Variants in PCDHGB1 observed in about 807,000 individuals in gnomAD.
PCDHGB1 encodes protocadherin gamma subfamily B, 1, also known as protocadherin gamma-B1.
A neutral mutation model predicts 56.6 loss-of-function variants in PCDHGB1; 34 were observed. The observed-to-expected ratio is 0.60, with a 90% confidence interval of 0.46 to 0.80. PCDHGB1 has a LOEUF of 0.80. PCDHGB1 is among the 30% of genes least tolerant of loss of function. The pLI is 0.00. For missense variants in PCDHGB1, 1,278 were observed against 1,204.6 expected, an observed-to-expected ratio of 1.06 and a Z score of -0.90; for synonymous variants, 561 against 505.9, an observed-to-expected ratio of 1.11 and a Z score of -1.46.
At position 141,370,693 on chromosome 5, in the gene PCDHGB1, C is replaced by G. The variant is rs762773164; in HGVS notation, c.2409+18024C>G. On this transcript the variant is annotated intron_variant, in intron 1 of 3. Coordinates refer to ENST00000523390, the MANE Select transcript of PCDHGB1 (RefSeq NM_018922.3). ...CGAGAGGAGATTTGTGGCAAGAAGT[C>G]GACGTGTGTTCTGGAATTTGAAATG... 28 of 1,613,754 alleles carry G rather than the reference C, an allele frequency of 1.7e-5. No individual in the cohort carries two copies. In the East Asian group the frequency reaches 3.8e-4, roughly 22 times the overall value.
chr5:141,454,101 A>T (rs2098781558), intron 1 of PCDHGB1, among the ~76,000 whole-genome samples: 1 of 152,256 alleles, frequency 6.6e-6, no homozygotes. Flanking sequence ...ATTGAACATA[A>T]ATGGAGTTAT....
chr5:141,370,241 T>C (rs1442707721), intron 1 of PCDHGB1: 3 of 626,086 alleles, frequency 4.8e-6, no homozygotes, highest in Non-Finnish European at 7.8e-6. Flanking sequence ...GGAAGAAAAG[T>C]GCACTCTCTA....
intron 1 of PCDHGB1, chr5:141,422,819 T>C (rs369004166): frequency 2.5e-6 from 4 of 1,614,068 alleles, no homozygotes; most frequent in Non-Finnish European, 2.5e-6. Flanking sequence ...GACTTAGAAC[T>C]GAGAGTGATA....
chr5:141,495,041 G>A, intron 2 of PCDHGB1, 176 bp downstream of exon 2: 1 of 942,350 alleles, frequency 1.1e-6, no homozygotes, highest in Non-Finnish European at 1.3e-6. Flanking sequence ...AGGAAGAGGC[G>A]ACTGCCCTGA....
At position 141,476,980 on chromosome 5, in the gene PCDHGB1, C is replaced by T; in HGVS notation, c.2410-17827C>T. 6.2e-7 allele frequency: 1 copy of T among 1,614,232 alleles called. No individual in the cohort carries two copies. Among genetic ancestry groups the T allele is most frequent in the Non-Finnish European group, 8.5e-7 (1 of 1,180,044 alleles). On this transcript the variant is annotated intron_variant, in intron 1 of 3. Coordinates refer to ENST00000523390, the MANE Select transcript of PCDHGB1 (RefSeq NM_018922.3). This position sits in a 1 kb window ranked among gnomAD's most constrained non-coding sequence, Gnocchi z 7.6. Reference sequence around the variant, plus strand: ...TTTACTCCTTCGGCAGCCACAACCGCGCCGGCGTGCGGCAACTATTCGCCT... The same window carrying T: ...TTTACTCCTTCGGCAGCCACAACCGTGCCGGCGTGCGGCAACTATTCGCCT...
chr5:141,406,781 T>C (rs1054583306), intron 1 of PCDHGB1, among the ~76,000 whole-genome samples: 4 of 152,218 alleles, frequency 2.6e-5, no homozygotes, highest in Non-Finnish European at 5.9e-5. Context: ...CTCTCACTTA[T>C]ATATTATTTC....
intron 1 of PCDHGB1, chr5:141,421,935 A>G: frequency 6.2e-7 from 1 of 1,613,514 alleles, no homozygotes; most frequent in East Asian, 2.2e-5. Context: ...TCCTCGATGT[A>G]AATGATCACA....
At chr5:141,507,797 C>A (rs933921827) in intron 3 of PCDHGB1, among the ~76,000 whole-genome samples, 1 of 152,240 alleles carries the variant, frequency 6.6e-6, no homozygotes, top group Admixed American at 6.5e-5. Context: ...TCTAAGCCTG[C>A]GCCCTGGGGA....
chr5:141,360,175 C>T (rs1761457056), intron 1 of PCDHGB1: 1 of 1,609,628 alleles, frequency 6.2e-7, no homozygotes, highest in Non-Finnish European at 8.5e-7. Context: ...GGTGCGGTGG[C>T]TGCAGGTACT....
At chr5:141,465,779 G>GTT (rs879859429) in intron 1 of PCDHGB1, among the ~76,000 whole-genome samples, 3 of 145,118 alleles carry the variant, frequency 2.1e-5, no homozygotes, top group Non-Finnish European at 3.0e-5. Context: ...TCTTGTTACA[G>GTT]TTTTTTTTTT....
rs2099684984 is a variant in PCDHGB1 at position 141,489,278 on chromosome 5, G to A, written c.2410-5529G>A. ...ACACTCCCACAGCTCGCTGGGAAAT[G>A]GCAAGTGCTGTGCATGTTGTCCTTG... is the stretch of plus-strand genomic sequence containing the variant. On this transcript the variant is annotated intron_variant, in intron 1 of 3. Transcript: ENST00000523390. The surrounding 1 kb of genome is among the most constrained non-coding windows in gnomAD (Gnocchi z 4.5). The A allele has an allele frequency of 6.4e-7, 1 of 1,561,298 alleles. No homozygotes were observed. The highest frequency in any genetic ancestry group is 2.2e-5 in the East Asian group (1 of 44,520).
At chr5:141,374,607 AT>A in intron 1 of PCDHGB1, 5 of 1,613,660 alleles carry the variant, frequency 3.1e-6, no homozygotes, top group Non-Finnish European at 4.2e-6. Flanking sequence ...CTCAGTGGTA[AT>A]AGTCACTTCT....
chr5:141,384,609 T>A (rs967686346), intron 1 of PCDHGB1: 5 of 1,614,148 alleles, frequency 3.1e-6, no homozygotes, highest in African/African-American at 1.3e-5. Flanking sequence ...TCCCCACAGA[T>A]GGTTCTACTG....
intron 1 of PCDHGB1, chr5:141,433,250 G>A: frequency 1.4e-6 from 2 of 1,440,892 alleles, no homozygotes; most frequent in Non-Finnish European, 1.9e-6. Flanking sequence ...CTGGAATGCA[G>A]CGGTACGATC....
chr5:141,508,824 G>A (rs893436748), intron 3 of PCDHGB1, among the ~76,000 whole-genome samples: 9 of 151,952 alleles, frequency 5.9e-5, no homozygotes, highest in Admixed American at 3.3e-4. Flanking sequence ...CCAGATCTGG[G>A]CCCCCCTCCC....
chr5:141,509,292 T>A (rs1407798154), intron 3 of PCDHGB1, among the ~76,000 whole-genome samples: 1 of 152,028 alleles, frequency 6.6e-6, no homozygotes, highest in Non-Finnish European at 1.5e-5. Context: ...GGGTCCAGGG[T>A]GGAGGCAGAG....
At chr5:141,355,701 G>A (rs1224015926) in intron 1 of PCDHGB1, 1 of 1,613,860 alleles carries the variant, frequency 6.2e-7, no homozygotes, top group African/African-American at 1.3e-5. Flanking sequence ...TAAACTCCCT[G>A]CAGGGTTACC....
chr5:141,350,881 A>C lies in PCDHGB1; in HGVS notation c.621A>C (p.Leu207Phe). ...LDREHQSSHR[L>F]ILTAMDGGDP... is the part of the protein sequence containing the mutation. ...GGGAACATCAGAGCTCTCATCGCTT[A>C]ATCCTGACTGCCATGGATGGCGGGG... The change falls in exon 1 of 4, where the codon TTA becomes TTC. Residue 207 changes from leucine to phenylalanine, a missense_variant. Transcript: ENST00000523390. 1 of 1,614,060 alleles carries C rather than the reference A, an allele frequency of 6.2e-7. No individual in the cohort carries two copies. The highest frequency in any genetic ancestry group is 8.5e-7 in the Non-Finnish European group (1 of 1,179,902).
In PCDHGB1 at chr5:141,489,681, A is replaced by T; in HGVS notation, c.2410-5126A>T. ...AGATGCGCATCTCAGAATCAGCAGC[A>T]TCTGGGGCACGATTCCCACTGGACA... On this transcript the variant is annotated intron_variant, in intron 1 of 3. Transcript: ENST00000523390. This position sits in a 1 kb window ranked among gnomAD's most constrained non-coding sequence, Gnocchi z 4.5. 1 of 1,614,174 alleles carries T rather than the reference A, an allele frequency of 6.2e-7. No individual in the cohort carries two copies. The highest frequency in any genetic ancestry group is 8.5e-7 in the Non-Finnish European group (1 of 1,180,010).
Sources: gnomAD v4.1 joint callset for allele counts (sites outside exome capture counted in the v4.1 genomes callset) on GRCh38, gnomAD v4.1.1 for gene constraint, Gnocchi (gnomAD v3.1) non-coding constraint, MANE v1.5 for transcripts, NCBI Gene and HGNC (gene_info 2026-07-23, HGNC 2026-07-21) for gene names.